Variants in UNC79 observed in about 807,000 individuals in gnomAD.
The protein encoded by UNC79 is unc-79 subunit of NALCN channel complex, also known as protein unc-79 homolog.
Under a neutral mutation model 283.1 loss-of-function variants are expected in UNC79, and 37 were observed. The ratio of observed to expected loss-of-function variants is 0.13; its 90% CI spans 0.10 to 0.17. UNC79 has a LOEUF of 0.17. Ranked by LOEUF, UNC79 falls within the 10% of genes least tolerant of loss-of-function variation. The pLI is 1.00. For missense variants in UNC79, 2,272 were observed against 3,211.1 expected, an observed-to-expected ratio of 0.71 and a Z score of 7.07; for synonymous variants, 1,107 against 1,200.2, an observed-to-expected ratio of 0.92 and a Z score of 1.61.
intron 14 of UNC79, among the ~76,000 whole-genome samples, chr14:93,558,994 T>G (rs934099855): frequency 3.9e-5 from 6 of 152,032 alleles, no homozygotes; most frequent in Admixed American, 2.0e-4. Context: ...TGCTGCCAAT[T>G]CTCTCCTCTC....
At position 93,704,682 on chromosome 14, in the gene UNC79, G is replaced by C; in HGVS notation, c.7590+16G>C. On this transcript the variant is annotated intron_variant, in intron 48 of 48. Coordinates refer to ENST00000555664, the Ensembl canonical transcript of UNC79. ...AAATATCAAGGTAAGTCACTCCCTGGGCTGATTGGAAGCTCGGTTTCCTGC... is the reference window on the plus strand; with the variant it reads ...AAATATCAAGGTAAGTCACTCCCTGCGCTGATTGGAAGCTCGGTTTCCTGC... The C allele has an allele frequency of 6.2e-7, 1 of 1,614,074 alleles. No individual in the cohort carries two copies. The highest frequency in any genetic ancestry group is 8.5e-7 in the Non-Finnish European group (1 of 1,179,966).
At chr14:93,674,679 T>A (rs1165502446) in intron 41 of UNC79, among the ~76,000 whole-genome samples, 1 of 152,174 alleles carries the variant, frequency 6.6e-6, no homozygotes, top group Non-Finnish European at 1.5e-5. Context: ...ACTAGACAGA[T>A]TTCCCTGAAT....
chr14:93,436,633 T>C (rs11622573), intron 1 of UNC79, among the ~76,000 whole-genome samples: 2,127 of 152,320 alleles, frequency 0.014, 23 homozygotes, highest in Middle Eastern at 0.034. Context: ...TAGTATTATG[T>C]TGGAAATTCA....
At chr14:93,620,845 A>G in intron 29 of UNC79, 47 bp from the exon 31 acceptor site, 1 of 487,000 alleles carries the variant, frequency 2.1e-6, no homozygotes, top group Non-Finnish European at 4.1e-6. Flanking sequence ...ACAGCCTAAG[A>G]GAGAATAACC....
At chr14:93,400,110 G>A (rs1156520467) in intron 1 of UNC79, among the ~76,000 whole-genome samples, 1 of 152,150 alleles carries the variant, frequency 6.6e-6, no homozygotes, top group African/African-American at 2.4e-5. Flanking sequence ...CCAACTGGCT[G>A]ATTCTTCTAC....
At position 93,441,320 on chromosome 14, in the gene UNC79, CTTTG is replaced by C. The variant is rs549385486; in HGVS notation, c.22+10273_22+10276del. 3.9e-3 allele frequency among the ~76,000 whole-genome samples: 596 copies of C among 152,034 alleles called. 3 individuals carry two copies. Among genetic ancestry groups the C allele is most frequent in the Non-Finnish European group, 5.2e-3 (352 of 67,896 alleles). On this transcript the variant is annotated intron_variant, in intron 1 of 48. Transcript: ENST00000555664. Reference sequence around the variant, plus strand: ...TTTTATTTTTAACTCTTTTGAATCTCTTTGTTTTAGATGTGTCTCTTGTATTCTG... The same window carrying C: ...TTTTATTTTTAACTCTTTTGAATCTCTTTTAGATGTGTCTCTTGTATTCTG...
At chr14:93,573,741 T>C (rs1337524554) in intron 16 of UNC79, among the ~76,000 whole-genome samples, 1 of 152,224 alleles carries the variant, frequency 6.6e-6, no homozygotes, top group Non-Finnish European at 1.5e-5. Flanking sequence ...GCTCGGTAGC[T>C]CACACCTGTA....
At chr14:93,507,228 G>A (rs2140799460) in intron 7 of UNC79, among the ~76,000 whole-genome samples, 1 of 152,150 alleles carries the variant, frequency 6.6e-6, no homozygotes, top group African/African-American at 2.4e-5. Flanking sequence ...TTTTTTTGTG[G>A]ACTTACGCAT....
intron 1 of UNC79, among the ~76,000 whole-genome samples, chr14:93,341,948 G>A (rs773077007): frequency 1.3e-5 from 2 of 152,160 alleles, no homozygotes; most frequent in Non-Finnish European, 2.9e-5. Context: ...TACAGGCCCC[G>A]TGACTGCTTT....
rs567420623 is a variant in UNC79 at position 93,411,569 on chromosome 14, G to A, written c.-350-56102G>A. Among the ~76,000 whole-genome samples, 12 of 152,366 alleles carry A rather than the reference G, an allele frequency of 7.9e-5. No individual in the cohort carries two copies. In the South Asian group the frequency reaches 1.9e-3, roughly 24 times the overall value. The stretch of plus-strand genomic sequence containing the variant: ...GGGGGCTTGTGTCACTCCACCTCCA[G>A]CCCCAGGCAGCTGAGAACAGAGAAA... On this transcript the variant is annotated intron_variant, in intron 1 of 49. Coordinates refer to the UNC79 transcript ENST00000256339.
chr14:93,347,238 C>G, intron 1 of UNC79: 1 of 1,580,814 alleles, frequency 6.3e-7, no homozygotes, highest in Non-Finnish European at 8.6e-7. Context: ...CCTGTGCTGT[C>G]CACGCCTGGC....
intron 25 of UNC79, 60 bp downstream of exon 25, chr14:93,600,830 A>C (rs1596021637): frequency 6.4e-7 from 1 of 1,567,260 alleles, no homozygotes; most frequent in Admixed American, 1.8e-5. Context: ...TTGCCTAGAC[A>C]AACAGAAGAC....
intron 34 of UNC79, 125 bp downstream of exon 37, chr14:93,643,822 C>A: frequency 1.4e-6 from 2 of 1,380,598 alleles, no homozygotes; most frequent in Non-Finnish European, 2.0e-6. Context: ...TTTGTGACAT[C>A]AACTCAGACT....
intron 1 of UNC79, among the ~76,000 whole-genome samples, chr14:93,376,240 T>C (rs1157031993): frequency 6.6e-6 from 1 of 152,218 alleles, no homozygotes; most frequent in East Asian, 1.9e-4. Flanking sequence ...ACTTAATATG[T>C]ATTGATAGAA....
upstream of UNC79, among the ~76,000 whole-genome samples, chr14:93,427,996 G>A (rs530641884): frequency 9.8e-4 from 149 of 152,254 alleles, 1 homozygote; most frequent in African/African-American, 3.4e-3. Flanking sequence ...ACTTTGAAGA[G>A]CATTATGTTA....
chr14:93,376,790 G>T (rs1011484836), intron 1 of UNC79, among the ~76,000 whole-genome samples: 1 of 151,264 alleles, frequency 6.6e-6, no homozygotes, highest in Non-Finnish European at 1.5e-5. Flanking sequence ...CTCCTAGGTT[G>T]GAATTCAGTT....
At chr14:93,622,459 G>C in exon 30 of UNC79, 2 of 1,614,100 alleles carry the variant, frequency 1.2e-6, no homozygotes, top group Non-Finnish European at 1.7e-6. Flanking sequence ...GCCCACTGAC[G>C]CTGAAGCAAA....
chr14:93,515,767 G>A (rs999903133), intron 7 of UNC79, among the ~76,000 whole-genome samples: 6 of 152,088 alleles, frequency 3.9e-5, no homozygotes, highest in East Asian at 1.9e-4. Flanking sequence ...TATATTGTAT[G>A]TTCAAAATAT....
intron 7 of UNC79, among the ~76,000 whole-genome samples, chr14:93,517,919 CTGTGTGTG>C (rs3060642): frequency 2.0e-5 from 3 of 147,738 alleles, no homozygotes; most frequent in Non-Finnish European, 3.0e-5. Context: ...GTGTGTGTGT[CTGTGTGTG>C]TGTGTGTGTG....
Sources: allele counts gnomAD v4.1 joint callset (sites outside exome capture counted in the v4.1 genomes callset), GRCh38; gene constraint gnomAD v4.1.1; transcripts MANE v1.5; gene names NCBI Gene and HGNC (gene_info 2026-07-23, HGNC 2026-07-21).